APCDD1L: variants seen among roughly 807,000 people sequenced by gnomAD.
The protein encoded by APCDD1L is APC down-regulated 1 like.
A neutral mutation model predicts 24.2 loss-of-function variants in APCDD1L; 21 were observed. That is an observed-to-expected ratio of 0.87 (90% CI 0.61 to 1.25). The LOEUF is 1.25. APCDD1L is among the 50% of genes most tolerant of loss of function. The pLI is 0.00. For synonymous variants in APCDD1L, 321 were observed against 323.6 expected (o/e 0.99, Z 0.09); for missense variants, 704 against 711.7 (o/e 0.99, Z 0.12).
chr20:58,475,364 G>A (rs973602357), intron 1 of APCDD1L, among the ~76,000 whole-genome samples: 5 of 152,146 alleles, frequency 3.3e-5, no homozygotes, highest in African/African-American at 7.2e-5. Context: ...ACAGTCACGC[G>A]TCGGTTTTAG....
chr20:58,466,367 C>T (rs915293995), intron 3 of APCDD1L, among the ~76,000 whole-genome samples: 3 of 152,214 alleles, frequency 2.0e-5, no homozygotes, highest in African/African-American at 4.8e-5. Context: ...GGATCCCTTT[C>T]GGCCCTCTCA....
At chr20:58,507,449 G>A (rs191622743) in intron 1 of APCDD1L, among the ~76,000 whole-genome samples, 36 of 152,164 alleles carry the variant, frequency 2.4e-4, no homozygotes, top group Admixed American at 2.4e-3. Flanking sequence ...TTTTCTCTGA[G>A]GTAAGTTGGT....
chr20:58,499,358 T>A (rs1427419690), intron 1 of APCDD1L, among the ~76,000 whole-genome samples: 1 of 152,140 alleles, frequency 6.6e-6, no homozygotes, highest in Non-Finnish European at 1.5e-5. Flanking sequence ...AGGACGGGAA[T>A]GGAACCCAAG....
At chr20:58,463,200 C>T (rs1006987635) in intron 3 of APCDD1L, among the ~76,000 whole-genome samples, 3 of 150,620 alleles carry the variant, frequency 2.0e-5, no homozygotes, top group Admixed American at 6.6e-5. Flanking sequence ...CTTAAGTCTG[C>T]GCGAAGGAGA....
intron 1 of APCDD1L, among the ~76,000 whole-genome samples, chr20:58,514,412 C>G (rs1031068838): frequency 6.6e-6 from 1 of 152,212 alleles, no homozygotes; most frequent in Admixed American, 6.5e-5. Flanking sequence ...CCCCGACTGG[C>G]GCAGAGAGTG....
intron 1 of APCDD1L, among the ~76,000 whole-genome samples, chr20:58,474,651 C>T (rs979616436): frequency 1.3e-5 from 2 of 152,146 alleles, no homozygotes; most frequent in African/African-American, 2.4e-5. Flanking sequence ...TTGCAGTGGG[C>T]CAAGATCATG....
chr20:58,514,287 G>GCT (rs1990692934), intron 1 of APCDD1L, among the ~76,000 whole-genome samples: 1 of 152,158 alleles, frequency 6.6e-6, no homozygotes. Context: ...GAATAGCCGG[G>GCT]CTTGTCCCGC....
chr20:58,506,873 G>C (rs570432519), intron 1 of APCDD1L, among the ~76,000 whole-genome samples: 19 of 152,318 alleles, frequency 1.2e-4, no homozygotes, highest in East Asian at 5.8e-4. Flanking sequence ...TCAGGGCAGG[G>C]AGGTATTTGC....
intron 3 of APCDD1L, among the ~76,000 whole-genome samples, chr20:58,463,894 TGG>T (rs35696336): frequency 0.09 from 4,721 of 52,426 alleles, 529 homozygotes; most frequent in African/African-American, 0.22. Context: ...AGTTTTTTTT[TGG>T]GGGGGGGGGG....
chr20:58,493,083 T>C (rs1324856219), intron 1 of APCDD1L, among the ~76,000 whole-genome samples: 6 of 138,304 alleles, frequency 4.3e-5, no homozygotes, highest in African/African-American at 8.3e-5. Context: ...CATGCATACA[T>C]GCATACACGC....
chr20:58,469,677 C>A (rs1989775556), intron 2 of APCDD1L, among the ~76,000 whole-genome samples: 1 of 152,214 alleles, frequency 6.6e-6, no homozygotes, highest in African/African-American at 2.4e-5. Flanking sequence ...TGCAGCCTGG[C>A]TGAGCCTGCA....
intron 1 of APCDD1L, among the ~76,000 whole-genome samples, chr20:58,509,970 G>A (rs942894475): frequency 6.6e-5 from 10 of 152,052 alleles, no homozygotes; most frequent in African/African-American, 2.2e-4. Flanking sequence ...TCCACCCCTT[G>A]GTCCCTCACT....
At chr20:58,473,781 A>G (rs894216289) in intron 1 of APCDD1L, among the ~76,000 whole-genome samples, 2 of 152,234 alleles carry the variant, frequency 1.3e-5, no homozygotes, top group African/African-American at 4.8e-5. Flanking sequence ...GTGTCCACTT[A>G]CTGTCATTCA....
chr20:58,499,336 C>G (rs1255411164), intron 1 of APCDD1L, among the ~76,000 whole-genome samples: 1 of 152,096 alleles, frequency 6.6e-6, no homozygotes, highest in Non-Finnish European at 1.5e-5. Context: ...CAGGGCTTTG[C>G]CACAGTGAGA....
rs868501842 is a variant in APCDD1L, at chr20:58,497,558, C to T, written c.49+17101G>A. Among the ~76,000 whole-genome samples, 13 of 152,132 alleles carry T rather than the reference C, an allele frequency of 8.5e-5. No individual in the cohort carries two copies. The highest frequency in any genetic ancestry group is 3.1e-4 in the African/African-American group (13 of 41,420). ...GTGGCTTGTAGATGGCCATCTTCTC[C>T]CTGCGTCTCTTCACATCGTCTTCCT... On this transcript the variant is annotated intron_variant, in intron 1 of 3. Transcript: ENST00000371149. This position sits in a 1 kb window ranked among gnomAD's most constrained non-coding sequence, Gnocchi z 4.3.
At chr20:58,468,255 TATAGATG>T (rs1183857519) in intron 2 of APCDD1L, among the ~76,000 whole-genome samples, 3 of 152,210 alleles carry the variant, frequency 2.0e-5, no homozygotes, top group African/African-American at 7.2e-5. Flanking sequence ...CTAATGCAGC[TATAGATG>T]ATACGTGCAT....
rs114078591 is a variant in APCDD1L at position 58,464,675 on chromosome 20, G to A, written c.741+2431C>T. Among the ~76,000 whole-genome samples the A allele has an allele frequency of 4.1e-3, 631 of 152,274 alleles. 5 individuals are homozygous for A. Among genetic ancestry groups the A allele is most frequent in the African/African-American group, 0.014 (602 of 41,554 alleles). ...TGATTGATTAGCATTCTATATCCAG[G>A]CAATGAATTTGGGGATCAAATTGGT... is the stretch of plus-strand genomic sequence containing the variant. On this transcript the variant is annotated intron_variant, in intron 3 of 3. Transcript: ENST00000371149.
chr20:58,487,258 TA>T (rs1990136086), intron 1 of APCDD1L, among the ~76,000 whole-genome samples: 1 of 152,212 alleles, frequency 6.6e-6, no homozygotes, highest in African/African-American at 2.4e-5. Flanking sequence ...GTTACTGTTC[TA>T]AATTTCTTGC....
At chr20:58,462,368 C>T (rs193215781) in intron 3 of APCDD1L, among the ~76,000 whole-genome samples, 1 of 152,278 alleles carries the variant, frequency 6.6e-6, no homozygotes, top group East Asian at 1.9e-4. Flanking sequence ...AGCTGAAATG[C>T]AGCCTGGCTT....
Sources: allele counts gnomAD v4.1 joint callset (sites outside exome capture counted in the v4.1 genomes callset), GRCh38; gene constraint gnomAD v4.1.1; non-coding constraint Gnocchi (gnomAD v3.1); transcripts MANE v1.5; gene names NCBI Gene and HGNC (gene_info 2026-07-23, HGNC 2026-07-21).